FAM170B: variants seen among roughly 807,000 people sequenced by gnomAD.
FAM170B encodes the protein protein FAM170B.
In FAM170B, 4 loss-of-function variants were observed where a neutral mutation model predicts 3.9. The observed-to-expected ratio is 1.01, with a 90% CI of 0.50 to 2.32. The LOEUF (loss-of-function observed/expected upper bound fraction) is 2.32. Among genes scored for constraint, FAM170B ranks in the 30% most tolerant of loss-of-function variants. The probability of loss-of-function intolerance (pLI) is 0.02; values close to 1 mark genes in which losing one functional copy is unlikely to be tolerated. For synonymous variants in FAM170B, 163 were observed against 149.8 expected (o/e 1.09, Z -0.64); for missense variants, 417 against 368.6 (o/e 1.13, Z -1.07).
At position 49,132,225 on chromosome 10, in the gene FAM170B, GGAGGACTCT is replaced by G; in HGVS notation, c.231_239del (p.Ser79_Glu81del). 3 of 1,551,668 alleles carry G rather than the reference GGAGGACTCT, an allele frequency of 1.9e-6. No individual in the cohort carries two copies. The highest frequency in any genetic ancestry group is 2.6e-6 in the Non-Finnish European group (3 of 1,147,006). On this transcript the variant is annotated inframe_deletion, in exon 2 of 2. Transcript: ENST00000311787. ...GGTACTGGGAGTAGGACTGGTACTC[GGAGGACTCT>G]GAGGATGGGGAGCTGCTCCAGTCCC...
rs12268209 is a variant in FAM170B, at chr10:49,133,785, C to T, written c.112+22G>A. ...CCAGGGAGCACAGCTGGCTGACCTT[C>T]CAGGCCTTTCTTTTCACCTACCTGG... is the stretch of plus-strand genomic sequence containing the variant. On this transcript the variant is annotated intron_variant, in intron 1 of 1. Transcript: ENST00000311787. 16,639 of 1,546,938 alleles carry T rather than the reference C, an allele frequency of 0.011. 1,573 individuals carry two copies. The African/African-American group carries it at 0.2, about 19-fold the overall frequency.
Position 49,132,083 on chromosome 10 carries a change from C to T in FAM170B, c.382G>A (p.Gly128Ser), listed in dbSNP as rs1257610862. Residue 128 changes from glycine (G) to serine (S), a missense_variant, in exon 2 of 2, where the codon GGC becomes AGC. Coordinates refer to ENST00000311787, the MANE Select transcript of FAM170B (RefSeq NM_001164484.2). ...GVAVAWETEA[G>S]FEPVTRKPRI... is the part of the protein sequence containing the mutation. ...GGCTTCCTGGTGACCGGCTCGAAGC[C>T]GGCCTCCGTCTCCCAGGCCACAGCC... is the stretch of plus-strand genomic sequence containing the variant. The T allele has an allele frequency of 4.5e-6, 7 of 1,551,638 alleles. No individual in the cohort carries two copies. The highest frequency in any genetic ancestry group is 2.4e-5 in the East Asian group (1 of 40,922).
Position 49,131,805 on chromosome 10 carries a change from C to T in FAM170B, c.660G>A (p.Leu220=). 1 of 1,549,436 alleles carries T rather than the reference C, an allele frequency of 6.5e-7. No individual in the cohort carries two copies. Among genetic ancestry groups the T allele is most frequent in the Non-Finnish European group, 8.7e-7 (1 of 1,146,968 alleles). Residue 220 remains leucine (L), a synonymous_variant, in exon 2 of 2, where the codon CTG becomes CTA. Transcript: ENST00000311787. ...CRVLPSLDAL[L]EHAQHGIREG... The stretch of plus-strand genomic sequence containing the variant: ...CCCGGATGCCATGCTGGGCGTGCTC[C>T]AGCAGAGCGTCCAGGGAGGGCAAGA...
In FAM170B at chr10:49,133,956, T is replaced by C. The variant is rs761691704; in HGVS notation, c.-38A>G. ...GTGCCCAGGGTGTCGGTGCTCCAGC[T>C]GTTCAGTGAGAGTTGGCTGGGGCTG... On this transcript the variant is annotated 5_prime_UTR_variant, in exon 1 of 2. Transcript: ENST00000311787. 3 of 1,510,834 alleles carry C rather than the reference T, an allele frequency of 2.0e-6. No homozygotes were observed. 93.6% of individuals were successfully genotyped at this position (1,510,834 alleles called of 1,614,324 possible). A position where few individuals can be genotyped will look rare whatever the true frequency, so the allele number is the denominator to read the frequency against.
rs1387149863 is a variant in FAM170B at position 49,132,257 on chromosome 10, C to T, written c.208G>A (p.Asp70Asn). The T allele has an allele frequency of 6.4e-7, 1 of 1,551,440 alleles. No homozygotes were observed. The highest frequency in any genetic ancestry group is 8.7e-7 in the Non-Finnish European group (1 of 1,147,012). ...TCTGAGGATGGGGAGCTGCTCCAGT[C>T]CCGCATCCCCCGGTCCCTGGCAGCG... ...YFAARDRGMR[D>N]WSSSPSSESS... is the part of the protein sequence containing the mutation. Residue 70 changes from aspartate to asparagine, a missense_variant, in exon 2 of 2, where the codon GAC becomes AAC. Asp to Asn is a conservative substitution (Grantham distance 23, BLOSUM62 1). Transcript: ENST00000311787.
chr10:49,133,762 A>T, intron 1 of FAM170B, 45 bp downstream of exon 1: 1 of 1,506,432 alleles, frequency 6.6e-7, no homozygotes, highest in Non-Finnish European at 9.0e-7. Context: ...CTTCCTTCCC[A>T]GGGAGCACAG....
rs1373692016 is a variant in FAM170B at position 49,132,313 on chromosome 10, G to A, written c.152C>T (p.Pro51Leu). 6.4e-7 allele frequency: 1 copy of A among 1,550,496 alleles called. No individual in the cohort carries two copies. Among genetic ancestry groups the A allele is most frequent in the Non-Finnish European group, 8.7e-7 (1 of 1,146,750 alleles). ...QREGSSPRPG[P>L]AIPREEGLYF... The stretch of plus-strand genomic sequence containing the variant: ...GAGGCCCTCCTCCCGGGGAATGGCA[G>A]GCCCCGGCCGTGGGGACGACCCTTC... Residue 51 changes from proline (P) to leucine (L), a missense_variant, in exon 2 of 2, where the codon CCT becomes CTT. Pro to Leu is a moderately conservative substitution (Grantham distance 98). Coordinates refer to ENST00000311787, the MANE Select transcript of FAM170B (RefSeq NM_001164484.2).
Position 49,133,963 on chromosome 10 carries a change from T to A in FAM170B, c.-45A>T, listed in dbSNP as rs61848432. On this transcript the variant is annotated 5_prime_UTR_variant, in exon 1 of 2. Transcript: ENST00000311787. ...GGGTGTCGGTGCTCCAGCTGTTCAG[T>A]GAGAGTTGGCTGGGGCTGTACTGAA... 92,701 of 1,485,682 alleles carry A rather than the reference T, an allele frequency of 0.062. 3,356 individuals are homozygous for A. Among genetic ancestry groups the A allele is most frequent in the Middle Eastern group, 0.15 (872 of 5,882 alleles). The allele number at this position is 1,485,682 out of a possible 1,614,324, so 92.0% of individuals were successfully genotyped here. A position where few individuals can be genotyped will look rare whatever the true frequency, so the allele number is the denominator to read the frequency against.
At position 49,133,804 on chromosome 10, in the gene FAM170B, T is replaced by C; in HGVS notation, c.112+3A>G. On this transcript the variant is annotated splice_donor_region_variant and intron_variant, in intron 1 of 1. Coordinates refer to ENST00000311787, the MANE Select transcript of FAM170B (RefSeq NM_001164484.2). ...GACCTTCCAGGCCTTTCTTTTCACC[T>C]ACCTGGCCAGAACACTTCCACACTC... 6.4e-7 allele frequency: 1 copy of C among 1,551,438 alleles called. No homozygotes were observed. Among genetic ancestry groups the C allele is most frequent in the Non-Finnish European group, 8.7e-7 (1 of 1,146,808 alleles).
chr10:49,133,392 C>G (rs1845211333), intron 1 of FAM170B, among the ~76,000 whole-genome samples: 2 of 152,146 alleles, frequency 1.3e-5, no homozygotes, highest in Admixed American at 1.3e-4. Flanking sequence ...CCATTGGGCC[C>G]CCAGAGCTGG....
In FAM170B at chr10:49,131,985, G is replaced by T. The variant is rs533056401; in HGVS notation, c.480C>A (p.Thr160=). Residue 160 remains threonine (T), a synonymous_variant, in exon 2 of 2, where the codon ACC becomes ACA. Coordinates refer to ENST00000311787, the MANE Select transcript of FAM170B (RefSeq NM_001164484.2). The part of the protein sequence containing the change: ...NGSSFEMASN[T]DMRWDLEACK... ...AGGCTTCCAGGTCCCAGCGCATATC[G>T]GTGTTGGAAGCCATTTCGAAGGAGG... 7 of 1,551,584 alleles carry T rather than the reference G, an allele frequency of 4.5e-6. No homozygotes were observed. The highest frequency in any genetic ancestry group is 5.2e-6 in the Non-Finnish European group (6 of 1,147,012).
chr10:49,131,962 G>T lies in FAM170B; in HGVS notation c.503C>A (p.Ala168Asp). ...CTCGGGGCTGCAGTTGCTCTTGCAGGCTTCCAGGTCCCAGCGCATATCGGT... is the reference window on the plus strand; with the variant it reads ...CTCGGGGCTGCAGTTGCTCTTGCAGTCTTCCAGGTCCCAGCGCATATCGGT... ...SNTDMRWDLE[A>D]CKSNCSPEPE... Residue 168 changes from alanine (A) to aspartate (D), a missense_variant, in exon 2 of 2, where the codon GCC becomes GAC. Transcript: ENST00000311787. The T allele has an allele frequency of 1.9e-6, 3 of 1,551,500 alleles. No individual in the cohort carries two copies. The highest frequency in any genetic ancestry group is 1.7e-6 in the Non-Finnish European group (2 of 1,147,008).
In FAM170B at chr10:49,131,605, C is replaced by A; in HGVS notation, c.*8G>T. 6.5e-7 allele frequency: 1 copy of A among 1,547,460 alleles called. No individual in the cohort carries two copies. The highest frequency in any genetic ancestry group is 8.7e-7 in the Non-Finnish European group (1 of 1,144,322). On this transcript the variant is annotated 3_prime_UTR_variant, in exon 2 of 2. Coordinates refer to ENST00000311787, the MANE Select transcript of FAM170B (RefSeq NM_001164484.2). Reference sequence around the variant, plus strand: ...GGTGAGGGCAGGGTTGGGTATCTCCCCTCTGGCTCACTGCTTCTCCTGCTG... The same window carrying A: ...GGTGAGGGCAGGGTTGGGTATCTCCACTCTGGCTCACTGCTTCTCCTGCTG...
At chr10:49,132,379 A>C (rs1189237864) in intron 1 of FAM170B, 27 bp from the exon 2 acceptor site, 2 of 1,504,264 alleles carry the variant, frequency 1.3e-6, no homozygotes, top group South Asian at 2.6e-5. Flanking sequence ...CATTGTCATC[A>C]GTGCCCTTTA....
Position 49,132,027 on chromosome 10 carries a change from C to A in FAM170B, c.438G>T (p.Arg146Ser). The A allele has an allele frequency of 6.4e-7, 1 of 1,551,784 alleles. No individual in the cohort carries two copies. The highest frequency in any genetic ancestry group is 1.2e-5 in the South Asian group (1 of 84,066). Residue 146 changes from arginine to serine, a missense_variant, in exon 2 of 2, where the codon AGG becomes AGT. By Grantham distance (110) the Arg-to-Ser change is moderately radical. Transcript: ENST00000311787. ...PRIHEAQFIK[R>S]QRWNGSSFEM... The stretch of plus-strand genomic sequence containing the variant: ...CGAAGGAGGAGCCGTTCCACCTCTG[C>A]CTCTTGATGAACTGGGCTTCATGGA...
rs1437891162 is a variant in FAM170B at position 49,131,748 on chromosome 10, C to T, written c.717G>A (p.Glu239=). 5.2e-6 allele frequency: 8 copies of T among 1,551,550 alleles called. No individual in the cohort carries two copies. Among genetic ancestry groups the T allele is most frequent in the Non-Finnish European group, 7.0e-6 (8 of 1,147,016 alleles). The change falls in exon 2 of 2, where the codon GAG becomes GAA. Residue 239 remains glutamate, a synonymous_variant. Transcript: ENST00000311787. ...CCTGAGCCCGCCTTCTCTCCAGCAT[C>T]TCCTCAAAAAAGATCTGACAGCTGA... The part of the protein sequence containing the change: ...EGFSCQIFFE[E]MLERRRAQGQ...
In FAM170B at chr10:49,131,613, T is replaced by C. The variant is rs1257701349; in HGVS notation, c.852A>G (p.Ter284TrpextTer28). ...VLSAQQQEKQ* is the reference protein window; with the variant it reads ...VLSAQQQEKQW ...CAGGGTTGGGTATCTCCCCTCTGGCTCACTGCTTCTCCTGCTGCTGTGCTG... is the reference window on the plus strand; with the variant it reads ...CAGGGTTGGGTATCTCCCCTCTGGCCCACTGCTTCTCCTGCTGCTGTGCTG... Residue 284 changes from the stop codon to tryptophan (W), a stop_lost, in exon 2 of 2, where the codon TGA (stop) becomes TGG (tryptophan). Coordinates refer to ENST00000311787, the MANE Select transcript of FAM170B (RefSeq NM_001164484.2). 1.9e-6 allele frequency: 3 copies of C among 1,549,552 alleles called. No homozygotes were observed. Among genetic ancestry groups the C allele is most frequent in the Non-Finnish European group, 2.6e-6 (3 of 1,145,456 alleles).
chr10:49,133,467 C>T (rs1257963890), intron 1 of FAM170B, among the ~76,000 whole-genome samples: 2 of 152,194 alleles, frequency 1.3e-5, no homozygotes, highest in African/African-American at 4.8e-5. Context: ...TCTAGATTAA[C>T]TTTCATCATT....
rs367569291 is a variant in FAM170B, at chr10:49,133,944, C to T, written c.-26G>A. On this transcript the variant is annotated 5_prime_UTR_variant, in exon 1 of 2. Coordinates refer to ENST00000311787, the MANE Select transcript of FAM170B (RefSeq NM_001164484.2). ...GATTTGAAATGAGTGCCCAGGGTGT[C>T]GGTGCTCCAGCTGTTCAGTGAGAGT... 506 of 1,532,690 alleles carry T rather than the reference C, an allele frequency of 3.3e-4. 1 individual carries two copies. In the Middle Eastern group the frequency reaches 5.5e-3, roughly 17 times the overall value. The allele number at this position is 1,532,690 out of a possible 1,614,324, so 94.9% of individuals were successfully genotyped here.
Sources: gnomAD v4.1 joint callset for allele counts (sites outside exome capture counted in the v4.1 genomes callset) on GRCh38, gnomAD v4.1.1 for gene constraint, MANE v1.5 for transcripts, NCBI Gene and HGNC (gene_info 2026-07-23, HGNC 2026-07-21) for gene names.